NSMAF: variants seen among roughly 807,000 people sequenced by gnomAD.
The protein encoded by NSMAF is protein FAN.
In NSMAF, 90 loss-of-function variants were observed where a neutral mutation model predicts 134.9. The ratio of observed to expected loss-of-function variants is 0.67; its 90% CI spans 0.56 to 0.79. The LOEUF is 0.79. Among genes scored for constraint, NSMAF ranks in the 30% least tolerant of loss-of-function variants. The probability of loss-of-function intolerance (pLI) is 0.00; values close to 1 mark genes in which losing one functional copy is unlikely to be tolerated. For synonymous variants in NSMAF, 358 were observed against 389.6 expected (o/e 0.92, Z 0.96); for missense variants, 1,010 against 1,119.0 (o/e 0.90, Z 1.39).
At chr8:58,640,426 A>G (rs1303754118) in intron 2 of NSMAF, among the ~76,000 whole-genome samples, 1 of 152,186 alleles carries the variant, frequency 6.6e-6, no homozygotes, top group Non-Finnish European at 1.5e-5. Flanking sequence ...TTTATACTGG[A>G]AAATCTGAGT....
At chr8:58,588,768 G>C (rs1805953796) in intron 26 of NSMAF, 1 of 1,174,366 alleles carries the variant, frequency 8.5e-7, no homozygotes, top group African/African-American at 1.5e-5. Context: ...TTGTCATCTT[G>C]GAGGCACGGA....
intron 22 of NSMAF, among the ~76,000 whole-genome samples, chr8:58,595,298 G>A (rs941430931): frequency 1.3e-5 from 2 of 152,050 alleles, no homozygotes; most frequent in Non-Finnish European, 2.9e-5. Flanking sequence ...GCTCTCTGCC[G>A]ACCACATCTT....
At chr8:58,614,982 G>C (rs182262389) in intron 9 of NSMAF, among the ~76,000 whole-genome samples, 6 of 152,020 alleles carry the variant, frequency 3.9e-5, no homozygotes, top group Non-Finnish European at 7.4e-5. Context: ...AAATACACAG[G>C]TTAGTAGTAA....
chr8:58,633,587 G>T (rs1807105485), intron 5 of NSMAF, among the ~76,000 whole-genome samples: 1 of 152,114 alleles, frequency 6.6e-6, no homozygotes, highest in Non-Finnish European at 1.5e-5. Flanking sequence ...GGAGCAAAAG[G>T]CTTCAGATAT....
At chr8:58,601,662 A>T in intron 14 of NSMAF, 127 bp from the exon 15 acceptor site, 2 of 1,311,928 alleles carry the variant, frequency 1.5e-6, no homozygotes, top group East Asian at 5.2e-5. Context: ...TCTGTTAGAT[A>T]AGAAAAGGAG....
intron 6 of NSMAF, chr8:58,631,289 C>CT (rs138352251): frequency 0.01 from 3,171 of 314,404 alleles, no homozygotes; most frequent in Middle Eastern, 0.016. Context: ...TTTTTAGGCA[C>CT]TTTTTTTTTT....
intron 11 of NSMAF, among the ~76,000 whole-genome samples, chr8:58,607,162 T>C (rs902427418): frequency 1.3e-5 from 2 of 152,236 alleles, no homozygotes. Context: ...TGAATTTCTA[T>C]TGGTGTCGAA....
intron 9 of NSMAF, among the ~76,000 whole-genome samples, chr8:58,613,072 A>G (rs1356486660): frequency 6.6e-6 from 1 of 152,196 alleles, no homozygotes; most frequent in Non-Finnish European, 1.5e-5. Context: ...AATGCCACAA[A>G]AAGTGTTTTA....
intron 2 of NSMAF, among the ~76,000 whole-genome samples, chr8:58,642,056 G>A (rs1471891312): frequency 6.6e-6 from 1 of 152,162 alleles, no homozygotes; most frequent in Non-Finnish European, 1.5e-5. Flanking sequence ...GTTCAGGGAT[G>A]AATAATTGTC....
At chr8:58,635,612 A>AT (rs904850417) in intron 2 of NSMAF, 66 bp from the exon 3 acceptor site, 22 of 953,554 alleles carry the variant, frequency 2.3e-5, no homozygotes, top group Middle Eastern at 2.7e-4. Context: ...ATCATAGTAC[A>AT]TTTTAACTAG....
chr8:58,655,595 A>G (rs1331234283), intron 1 of NSMAF, among the ~76,000 whole-genome samples: 2 of 152,062 alleles, frequency 1.3e-5, no homozygotes, highest in African/African-American at 4.8e-5. Flanking sequence ...CCCAATGTAT[A>G]CACCTGCCAT....
intron 1 of NSMAF, among the ~76,000 whole-genome samples, chr8:58,653,882 T>C (rs536516899): frequency 2.0e-5 from 3 of 152,346 alleles, no homozygotes; most frequent in South Asian, 2.1e-4. Flanking sequence ...TTCCTGTGAC[T>C]TCTCAATGGT....
At chr8:58,636,281 T>C (rs892134940) in intron 2 of NSMAF, among the ~76,000 whole-genome samples, 2 of 152,254 alleles carry the variant, frequency 1.3e-5, no homozygotes, top group African/African-American at 2.4e-5. Context: ...CAGAAAATTA[T>C]TGACATCATA....
intron 2 of NSMAF, among the ~76,000 whole-genome samples, chr8:58,640,431 C>T (rs1807306994): frequency 6.6e-6 from 1 of 152,080 alleles, no homozygotes; most frequent in Non-Finnish European, 1.5e-5. Context: ...ACTGGAAAAT[C>T]TGAGTCTTGG....
At chr8:58,594,497 A>C (rs936812112) in intron 22 of NSMAF, 4 of 567,884 alleles carry the variant, frequency 7.0e-6, no homozygotes, top group Non-Finnish European at 9.4e-6. Context: ...GCTAGAAAAC[A>C]TCCCCACTCT....
chr8:58,584,475 C>G (rs1348016156), intron 30 of NSMAF, among the ~76,000 whole-genome samples: 1 of 152,044 alleles, frequency 6.6e-6, no homozygotes, highest in African/African-American at 2.4e-5. Flanking sequence ...AAATAAATAC[C>G]TTGGCGAAGT....
intron 1 of NSMAF, among the ~76,000 whole-genome samples, chr8:58,655,771 G>A (rs1424292632): frequency 1.3e-5 from 2 of 151,862 alleles, no homozygotes; most frequent in Non-Finnish European, 2.9e-5. Flanking sequence ...GCCGGGCGCT[G>A]TGGTGGCCGC....
At position 58,659,202 on chromosome 8, in the gene NSMAF, T is replaced by C. The variant is rs1219386306; in HGVS notation, c.59+371A>G. The C allele has an allele frequency of 2.8e-6, 4 of 1,450,960 alleles. No homozygotes were observed. Among genetic ancestry groups the C allele is most frequent in the Non-Finnish European group, 2.7e-6 (3 of 1,111,670 alleles). 89.9% of individuals were successfully genotyped at this position (1,450,960 alleles called of 1,614,324 possible). A position where few individuals can be genotyped will look rare whatever the true frequency, so the allele number is the denominator to read the frequency against. On this transcript the variant is annotated intron_variant, in intron 1 of 30. Coordinates refer to ENST00000038176, the MANE Select transcript of NSMAF (RefSeq NM_003580.4). The stretch of plus-strand genomic sequence containing the variant: ...GCCGGGCAGCGTACTCACCCTCCCC[T>C]GCGAACGCCCGGGCTCGCGTGCCGG...
chr8:58,608,906 G>A (rs1806464578), intron 10 of NSMAF, among the ~76,000 whole-genome samples: 2 of 152,214 alleles, frequency 1.3e-5, no homozygotes, highest in Non-Finnish European at 1.5e-5. Flanking sequence ...CTACCAGGGT[G>A]TGTTAGGATT....
Sources: gnomAD v4.1 joint callset for allele counts (sites outside exome capture counted in the v4.1 genomes callset) on GRCh38, gnomAD v4.1.1 for gene constraint, MANE v1.5 for transcripts, NCBI Gene and HGNC (gene_info 2026-07-23, HGNC 2026-07-21) for gene names.